Variants in VAT1L observed in about 807,000 individuals in gnomAD.
VAT1L encodes the protein vesicle amine transport 1 like.
In VAT1L, 34 loss-of-function variants were observed where a neutral mutation model predicts 44.1. That is an observed-to-expected ratio of 0.77 (90% CI 0.59 to 1.03). The LOEUF is 1.03. Among genes scored for constraint, VAT1L ranks in the 50% least tolerant of loss-of-function variants. The pLI is 0.00. For missense variants in VAT1L, 615 were observed against 538.8 expected, an observed-to-expected ratio of 1.14 and a Z score of -1.40; for synonymous variants, 253 against 202.2, an observed-to-expected ratio of 1.25 and a Z score of -2.13.
At chr16:77,805,380 ATT>A (rs2016136967) in intron 1 of VAT1L, among the ~76,000 whole-genome samples, 3 of 152,274 alleles carry the variant, frequency 2.0e-5, no homozygotes, top group African/African-American at 7.2e-5. Context: ...TTTCCTAAGC[ATT>A]TTCAAGTTTT....
chr16:77,822,664 AG>A (rs2016471293), intron 2 of VAT1L, among the ~76,000 whole-genome samples: 1 of 152,180 alleles, frequency 6.6e-6, no homozygotes, highest in South Asian at 2.1e-4. Context: ...GGTTTATGCC[AG>A]GCTACCCAAG....
At chr16:77,943,294 T>C (rs187627957) in intron 7 of VAT1L, among the ~76,000 whole-genome samples, 6 of 151,382 alleles carry the variant, frequency 4.0e-5, no homozygotes, top group Middle Eastern at 3.5e-3. Flanking sequence ...TGACCTCAGG[T>C]GATCCACCCG....
intron 4 of VAT1L, among the ~76,000 whole-genome samples, chr16:77,866,398 C>G (rs575419136): frequency 9.9e-5 from 15 of 152,010 alleles, no homozygotes; most frequent in African/African-American, 3.4e-4. Context: ...GAAAAAAATG[C>G]CCATGGTAGC....
At chr16:77,969,478 T>A (rs776993238) in intron 7 of VAT1L, among the ~76,000 whole-genome samples, 62 of 152,112 alleles carry the variant, frequency 4.1e-4, no homozygotes, top group Non-Finnish European at 7.9e-4. Flanking sequence ...CTGCTCCTCA[T>A]TGACTGTCGG....
chr16:77,917,749 AAG>A (rs1353887307), intron 7 of VAT1L, among the ~76,000 whole-genome samples: 3 of 152,164 alleles, frequency 2.0e-5, no homozygotes, highest in African/African-American at 7.2e-5. Flanking sequence ...CAGAGAATGT[AAG>A]AGAGATTATT....
intron 4 of VAT1L, among the ~76,000 whole-genome samples, chr16:77,868,635 A>G (rs1333270760): frequency 6.6e-6 from 1 of 152,202 alleles, no homozygotes; most frequent in Non-Finnish European, 1.5e-5. Context: ...TGATCTTTCT[A>G]GCACCCACAC....
intron 7 of VAT1L, among the ~76,000 whole-genome samples, chr16:77,908,643 C>T (rs772060771): frequency 2.4e-4 from 37 of 151,960 alleles, no homozygotes; most frequent in Non-Finnish European, 4.1e-4. Flanking sequence ...AGGCCGGGCG[C>T]GGTGACTCAC....
intron 3 of VAT1L, among the ~76,000 whole-genome samples, chr16:77,844,307 A>T (rs1443399509): frequency 1.3e-5 from 2 of 152,334 alleles, no homozygotes; most frequent in Middle Eastern, 3.4e-3. Flanking sequence ...TGTACATAGC[A>T]TTTACATTGT....
intron 3 of VAT1L, among the ~76,000 whole-genome samples, chr16:77,861,956 G>T (rs1304823607): frequency 6.6e-6 from 1 of 152,160 alleles, no homozygotes; most frequent in East Asian, 1.9e-4. Context: ...TTAATACCTT[G>T]TTATTTCCGG....
chr16:77,837,614 C>G (rs1330527687), intron 3 of VAT1L, among the ~76,000 whole-genome samples: 2 of 152,132 alleles, frequency 1.3e-5, no homozygotes, highest in Non-Finnish European at 2.9e-5. Flanking sequence ...CCAAAACCAG[C>G]AGTATGTACA....
intron 3 of VAT1L, among the ~76,000 whole-genome samples, chr16:77,852,476 C>T (rs2016817701): frequency 6.6e-6 from 1 of 152,182 alleles, no homozygotes; most frequent in Non-Finnish European, 1.5e-5. Flanking sequence ...CGAACATGTC[C>T]TGTCCCCACA....
chr16:77,938,863 C>T (rs1311159921), intron 7 of VAT1L, among the ~76,000 whole-genome samples: 1 of 151,950 alleles, frequency 6.6e-6, no homozygotes, highest in Non-Finnish European at 1.5e-5. Context: ...TCATTTTTTA[C>T]TTTATATTAA....
intron 8 of VAT1L, among the ~76,000 whole-genome samples, chr16:77,974,657 G>A (rs2018316083): frequency 6.6e-6 from 1 of 152,132 alleles, no homozygotes. Flanking sequence ...CTGCCTCCTG[G>A]GTTCAAGCGA....
intron 1 of VAT1L, among the ~76,000 whole-genome samples, chr16:77,794,385 A>G (rs993731394): frequency 2.0e-5 from 3 of 152,164 alleles, no homozygotes; most frequent in Non-Finnish European, 4.4e-5. Context: ...ATCCATCTAG[A>G]TGGAGTTACT....
intron 7 of VAT1L, among the ~76,000 whole-genome samples, chr16:77,902,143 A>G (rs17718275): frequency 0.038 from 5,809 of 152,326 alleles, 204 homozygotes; most frequent in East Asian, 0.15. Flanking sequence ...ATTAGAAAAC[A>G]AAGCATACAC....
intron 4 of VAT1L, among the ~76,000 whole-genome samples, chr16:77,871,122 G>C (rs1183985024): frequency 6.6e-6 from 1 of 152,158 alleles, no homozygotes; most frequent in Non-Finnish European, 1.5e-5. Flanking sequence ...AGCAATAGCT[G>C]CTGGAATGGT....
At chr16:77,793,727 T>C (rs531450667) in intron 1 of VAT1L, among the ~76,000 whole-genome samples, 45 of 152,230 alleles carry the variant, frequency 3.0e-4, no homozygotes, top group African/African-American at 1.0e-3. Context: ...ACCAAGTGGA[T>C]GAAAAATGGT....
intron 7 of VAT1L, among the ~76,000 whole-genome samples, chr16:77,889,812 C>A (rs564452298): frequency 1.3e-5 from 2 of 152,184 alleles, no homozygotes; most frequent in Non-Finnish European, 2.9e-5. Context: ...GTTAGCCAGG[C>A]GCAGTGGCTT....
Position 77,879,183 on chromosome 16 carries a change from G to A in VAT1L, c.841G>A (p.Val281Ile), listed in dbSNP as rs564645989. 1 of 1,614,132 alleles carries A rather than the reference G, an allele frequency of 6.2e-7. No individual in the cohort carries two copies. Among genetic ancestry groups the A allele is most frequent in the Non-Finnish European group, 8.5e-7 (1 of 1,180,008 alleles). The change falls in exon 6 of 9, where the codon GTA becomes ATA. Residue 281 changes from valine (V) to isoleucine (I), a missense_variant. Coordinates refer to ENST00000302536, the MANE Select transcript of VAT1L (RefSeq NM_020927.3). This position sits in a 1 kb window ranked among gnomAD's most constrained non-coding sequence, Gnocchi z 4.1. ...TYILYGSSNMVTGETKSFFSF... is the reference protein window; with the variant it reads ...TYILYGSSNMITGETKSFFSF... ...TTCATTTTCAGGCTCATCCAACATG[G>A]TAACTGGAGAGACCAAGAGCTTCTT...
Sources: allele counts gnomAD v4.1 joint callset (sites outside exome capture counted in the v4.1 genomes callset), GRCh38; gene constraint gnomAD v4.1.1; non-coding constraint Gnocchi (gnomAD v3.1); transcripts MANE v1.5; gene names NCBI Gene and HGNC (gene_info 2026-07-23, HGNC 2026-07-21).